Variants in MINDY2 observed in about 807,000 individuals in gnomAD.
MINDY2 encodes the protein ubiquitin carboxyl-terminal hydrolase MINDY-2.
A neutral mutation model predicts 68.2 loss-of-function variants in MINDY2; 52 were observed. The ratio of observed to expected loss-of-function variants is 0.76; its 90% CI spans 0.61 to 0.96. MINDY2 has a LOEUF of 0.96. MINDY2 is among the 40% of genes least tolerant of loss of function. The probability of loss-of-function intolerance (pLI) is 0.00; values close to 1 mark genes in which losing one functional copy is unlikely to be tolerated. For missense variants in MINDY2, 881 were observed against 773.4 expected (o/e 1.14, Z -1.65); for synonymous variants, 372 against 303.0 (o/e 1.23, Z -2.36).
At chr15:58,787,630 G>A (rs757489597) in intron 1 of MINDY2, among the ~76,000 whole-genome samples, 15 of 151,538 alleles carry the variant, frequency 9.9e-5, no homozygotes, top group East Asian at 1.9e-4. Flanking sequence ...CCAGCTACTC[G>A]GAAGGCTGAG....
intron 1 of MINDY2, among the ~76,000 whole-genome samples, chr15:58,785,594 G>T (rs542700020): frequency 6.6e-6 from 1 of 152,120 alleles, no homozygotes; most frequent in Non-Finnish European, 1.5e-5. Flanking sequence ...CGGAGTTTCA[G>T]TTTAAAAATA....
rs759937759 is a variant in MINDY2 at position 58,771,504 on chromosome 15, G to C, written c.109G>C (p.Ala37Pro). 3 of 1,612,114 alleles carry C rather than the reference G, an allele frequency of 1.9e-6. No individual in the cohort carries two copies. The highest frequency in any genetic ancestry group is 2.5e-6 in the Non-Finnish European group (3 of 1,179,780). ...QEGLQETRLA[A>P]GDGPGVWAAE... Reference sequence around the variant, plus strand: ...AGGGCTACAGGAGACCAGGCTCGCCGCTGGTGATGGTCCTGGGGTATGGGC... The same window carrying C: ...AGGGCTACAGGAGACCAGGCTCGCCCCTGGTGATGGTCCTGGGGTATGGGC... Residue 37 changes from alanine to proline, a missense_variant, in exon 1 of 9, where the codon GCT becomes CCT. By Grantham distance (27) the Ala-to-Pro change is conservative. Coordinates refer to ENST00000559228, the MANE Select transcript of MINDY2 (RefSeq NM_001040450.3).
At chr15:58,799,869 G>A (rs1902524984) in intron 2 of MINDY2, among the ~76,000 whole-genome samples, 1 of 152,152 alleles carries the variant, frequency 6.6e-6, no homozygotes, top group Admixed American at 6.6e-5. Context: ...GGAGAAGGCA[G>A]GAAATGGGCA....
chr15:58,794,998 AC>A (rs34289953), intron 2 of MINDY2, among the ~76,000 whole-genome samples: 22,890 of 151,470 alleles, frequency 0.15, 2,010 homozygotes, highest in East Asian at 0.43. Context: ...CCACGGTGAA[AC>A]CCCGTCTCTA....
intron 4 of MINDY2, among the ~76,000 whole-genome samples, chr15:58,811,367 G>A (rs2030233087): frequency 6.6e-6 from 1 of 152,168 alleles, no homozygotes; most frequent in Non-Finnish European, 1.5e-5. Context: ...GCGTATCAGG[G>A]TCCTGGCAGG....
At chr15:58,785,161 A>AAAAAGAAAAAAG (rs144911267) in intron 1 of MINDY2, among the ~76,000 whole-genome samples, 1 of 143,954 alleles carries the variant, frequency 6.9e-6, no homozygotes, top group Admixed American at 7.2e-5. Flanking sequence ...AAAAAAAAGA[A>AAAAAGAAAAAAG]AAGCAAGCTT....
At chr15:58,813,559 T>A (rs1194796167) in intron 4 of MINDY2, among the ~76,000 whole-genome samples, 2 of 152,082 alleles carry the variant, frequency 1.3e-5, no homozygotes, top group Non-Finnish European at 2.9e-5. Flanking sequence ...TGCCCAGGAG[T>A]GCAGTTGGTG....
intron 6 of MINDY2, among the ~76,000 whole-genome samples, chr15:58,841,101 A>T (rs1209317093): frequency 6.9e-6 from 1 of 145,558 alleles, no homozygotes; most frequent in Non-Finnish European, 1.5e-5. Context: ...CATGCCTCAG[A>T]CTCCTGAGTA....
intron 6 of MINDY2, among the ~76,000 whole-genome samples, chr15:58,834,247 C>T (rs1380834735): frequency 1.3e-5 from 2 of 152,214 alleles, no homozygotes; most frequent in African/African-American, 4.8e-5. Context: ...CCTATGTCTA[C>T]TTTCTGCACA....
Position 58,771,527 on chromosome 15 carries a change from G to GGCGGCGGAGACCA in MINDY2, c.140_152dup (p.Asn52AspfsTer27). On this transcript the variant is annotated frameshift_variant, in exon 1 of 9. Coordinates refer to ENST00000559228, the MANE Select transcript of MINDY2 (RefSeq NM_001040450.3). LOFTEE classifies it high-confidence loss of function. ...CCGCTGGTGATGGTCCTGGGGTATG[G>GGCGGCGGAGACCA]GCGGCGGAGACCAGCGGCGGGAATG... 6.2e-7 allele frequency: 1 copy of GGCGGCGGAGACCA among 1,612,030 alleles called. No individual in the cohort carries two copies. Among genetic ancestry groups the GGCGGCGGAGACCA allele is most frequent in the East Asian group, 2.2e-5 (1 of 44,868 alleles).
At chr15:58,828,894 A>G (rs1355446140) in intron 5 of MINDY2, among the ~76,000 whole-genome samples, 16 of 152,176 alleles carry the variant, frequency 1.1e-4, no homozygotes, top group African/African-American at 3.9e-4. Context: ...AAATATAGTA[A>G]TCTTCTCAGG....
Position 58,771,615 on chromosome 15 carries a change from G to C in MINDY2, c.220G>C (p.Glu74Gln). The C allele has an allele frequency of 6.2e-7, 1 of 1,612,204 alleles. No individual in the cohort carries two copies. Among genetic ancestry groups the C allele is most frequent in the Non-Finnish European group, 8.5e-7 (1 of 1,179,824 alleles). ...CTCGGCTTCTCCCGCGGGCTCTCCT[G>C]AGGTTCCCGGACCCTGCAGCTCCTC... ...PDSASPAGSP[E>Q]VPGPCSSSAG... Residue 74 changes from glutamate (E) to glutamine (Q), a missense_variant, in exon 1 of 9, where the codon GAG becomes CAG. By Grantham distance (29) the Glu-to-Gln change is conservative (BLOSUM62 2). Transcript: ENST00000559228.
At chr15:58,830,864 A>G (rs1212531628) in intron 5 of MINDY2, among the ~76,000 whole-genome samples, 6 of 152,022 alleles carry the variant, frequency 3.9e-5, no homozygotes, top group Non-Finnish European at 8.8e-5. Context: ...ACATTGGGCC[A>G]CTCAGAATTT....
chr15:58,778,810 CTTTTT>C, intron 1 of MINDY2, among the ~76,000 whole-genome samples: 1 of 114,372 alleles, frequency 8.7e-6, no homozygotes, highest in African/African-American at 3.5e-5. Flanking sequence ...TTCTTTTTTT[CTTTTT>C]TTTTTTTTTT....
intron 3 of MINDY2, among the ~76,000 whole-genome samples, chr15:58,808,902 C>A (rs1379096759): frequency 2.0e-5 from 3 of 152,220 alleles, no homozygotes; most frequent in African/African-American, 7.2e-5. Flanking sequence ...CCGTGCCCAG[C>A]CACTTTTTCA....
intron 4 of MINDY2, among the ~76,000 whole-genome samples, chr15:58,821,163 A>G (rs1307522705): frequency 1.3e-5 from 2 of 151,786 alleles, no homozygotes; most frequent in Non-Finnish European, 2.9e-5. Flanking sequence ...ATCCCCCATT[A>G]ACATATATTA....
intron 3 of MINDY2, among the ~76,000 whole-genome samples, chr15:58,803,835 G>C (rs765594881): frequency 6.6e-6 from 1 of 151,208 alleles, no homozygotes; most frequent in Admixed American, 6.6e-5. Flanking sequence ...GAGGCCGGGC[G>C]TGGTGGCTCA....
intron 3 of MINDY2, among the ~76,000 whole-genome samples, chr15:58,808,100 A>T (rs2029940056): frequency 6.6e-6 from 1 of 151,856 alleles, no homozygotes; most frequent in African/African-American, 2.4e-5. Flanking sequence ...TTAAGTATGG[A>T]AAGTCCTGAG....
At chr15:58,846,874 A>G (rs2032563841) in intron 6 of MINDY2, among the ~76,000 whole-genome samples, 1 of 152,098 alleles carries the variant, frequency 6.6e-6, no homozygotes, top group African/African-American at 2.4e-5. Context: ...TGGTGTAGAG[A>G]AAGGAAAAAC....
Sources: gnomAD v4.1 joint callset for allele counts (sites outside exome capture counted in the v4.1 genomes callset) on GRCh38, gnomAD v4.1.1 for gene constraint, MANE v1.5 for transcripts, NCBI Gene and HGNC (gene_info 2026-07-23, HGNC 2026-07-21) for gene names.